Variants in TMEM217B observed in about 807,000 individuals in gnomAD.
The protein encoded by TMEM217B is transmembrane protein 217B.
At chr6:37,235,337 AATAT>A in the TMEM217B span, among the ~76,000 whole-genome samples, 1 of 152,154 alleles carries the variant, frequency 6.6e-6, no homozygotes, top group Non-Finnish European at 1.5e-5. Context: ...CAGACTGGGT[AATAT>A]ATAAAGAATA....
At chr6:37,215,153 C>T in the TMEM217B span, 699 of 1,603,058 alleles carry the variant, frequency 4.4e-4, no homozygotes, top group Non-Finnish European at 5.6e-4. Flanking sequence ...CCCTTTCTGC[C>T]GCTAGCCAAG....
the TMEM217B span, chr6:37,217,700 G>T: frequency 4.1e-6 from 4 of 985,030 alleles, no homozygotes; most frequent in Non-Finnish European, 4.8e-6. Context: ...GACACAGTGG[G>T]GAAATCATAG....
At chr6:37,218,246 T>G in the TMEM217B span, 4 of 1,309,504 alleles carry the variant, frequency 3.1e-6, no homozygotes, top group Non-Finnish European at 4.0e-6. Flanking sequence ...CTCGGCTCAC[T>G]GCAACCTCCA....
the TMEM217B span, among the ~76,000 whole-genome samples, chr6:37,241,508 C>T: frequency 8.8e-4 from 134 of 152,144 alleles, 1 homozygote; most frequent in African/African-American, 3.0e-3. Context: ...AACTCATGTG[C>T]GGCTAGAAGC....
the TMEM217B span, among the ~76,000 whole-genome samples, chr6:37,233,669 C>T: frequency 3.3e-5 from 5 of 152,162 alleles, no homozygotes; most frequent in South Asian, 6.2e-4. Flanking sequence ...ACATTCTAAC[C>T]GTAGTACCAT....
chr6:37,239,842 C>T, the TMEM217B span, among the ~76,000 whole-genome samples: 2 of 151,124 alleles, frequency 1.3e-5, no homozygotes, highest in Non-Finnish European at 2.9e-5. Flanking sequence ...ATCACTTAAG[C>T]CCAGGGGTTT....
the TMEM217B span, among the ~76,000 whole-genome samples, chr6:37,222,803 C>G: frequency 6.6e-6 from 1 of 152,198 alleles, no homozygotes; most frequent in Non-Finnish European, 1.5e-5. Flanking sequence ...GGTGAGTTCC[C>G]GACTTAACTC....
the TMEM217B span, among the ~76,000 whole-genome samples, chr6:37,240,680 A>G: frequency 1.1e-4 from 16 of 152,236 alleles, no homozygotes; most frequent in East Asian, 1.9e-4. Context: ...GAGGCCGGCT[A>G]TCACATCTCT....
At chr6:37,224,333 T>G in the TMEM217B span, among the ~76,000 whole-genome samples, 1 of 149,420 alleles carries the variant, frequency 6.7e-6, no homozygotes, top group African/African-American at 2.4e-5. Flanking sequence ...GTGCAGTGGC[T>G]CATGCCTGTA....
chr6:37,231,450 G>A, the TMEM217B span, among the ~76,000 whole-genome samples: 3 of 150,176 alleles, frequency 2.0e-5, no homozygotes, highest in Non-Finnish European at 3.0e-5. Context: ...CGAGGCAGGC[G>A]GATCATGAGG....
At chr6:37,215,372 C>T in the TMEM217B span, 1 of 1,438,974 alleles carries the variant, frequency 6.9e-7, no homozygotes, top group Non-Finnish European at 9.3e-7. Flanking sequence ...GTCAGGAGTT[C>T]AAGACCAGTC....
At chr6:37,215,825 AAGGGGT>A in the TMEM217B span, among the ~76,000 whole-genome samples, 3 of 152,118 alleles carry the variant, frequency 2.0e-5, no homozygotes, top group African/African-American at 7.2e-5. Context: ...AGACAACACA[AAGGGGT>A]AGGCACAGGG....
At chr6:37,246,451 C>T in the TMEM217B span, among the ~76,000 whole-genome samples, 1 of 152,132 alleles carries the variant, frequency 6.6e-6, no homozygotes, top group Admixed American at 6.5e-5. Flanking sequence ...TGCTCACATT[C>T]CACTGGCCAG....
the TMEM217B span, chr6:37,215,297 A>C: frequency 1.2e-6 from 2 of 1,609,528 alleles, no homozygotes; most frequent in South Asian, 1.1e-5. Context: ...ACAAATAAAA[A>C]AACAAATGAA....
chr6:37,234,676 C>T, the TMEM217B span, among the ~76,000 whole-genome samples: 1 of 151,940 alleles, frequency 6.6e-6, no homozygotes, highest in South Asian at 2.1e-4. Context: ...GCAGAGGTTG[C>T]ACTGAGCCGA....
the TMEM217B span, among the ~76,000 whole-genome samples, chr6:37,222,700 C>A: frequency 6.6e-6 from 1 of 152,254 alleles, no homozygotes; most frequent in Non-Finnish European, 1.5e-5. Context: ...GTTTGGGCAG[C>A]TGCAGCCCGC....
the TMEM217B span, among the ~76,000 whole-genome samples, chr6:37,216,609 G>A: frequency 2.6e-5 from 4 of 152,174 alleles, no homozygotes; most frequent in Admixed American, 6.5e-5. Context: ...GGAGCACAGA[G>A]GCAGGAGAGC....
At chr6:37,239,803 C>T in the TMEM217B span, among the ~76,000 whole-genome samples, 2,215 of 151,518 alleles carry the variant, frequency 0.015, 41 homozygotes, top group Middle Eastern at 0.044. Context: ...TCATCTATAT[C>T]GGTTAAGATC....
chr6:37,245,450 C>T, the TMEM217B span, among the ~76,000 whole-genome samples: 1 of 152,252 alleles, frequency 6.6e-6, no homozygotes, highest in Non-Finnish European at 1.5e-5. Flanking sequence ...ACAAACTCCT[C>T]CCGATTCGAA....
Sources: allele counts gnomAD v4.1 joint callset (sites outside exome capture counted in the v4.1 genomes callset), GRCh38; gene constraint gnomAD v4.1.1; transcripts MANE v1.5; gene names NCBI Gene and HGNC (gene_info 2026-07-23, HGNC 2026-07-21).